CCDC50: variants seen among roughly 807,000 people sequenced by gnomAD.
The protein encoded by CCDC50 is coiled-coil domain containing 50, also known as coiled-coil domain-containing protein 50.
A neutral mutation model predicts 70.2 loss-of-function variants in CCDC50; 54 were observed. The ratio of observed to expected loss-of-function variants is 0.77; its 90% CI spans 0.62 to 0.96. The LOEUF is 0.96. Ranked by LOEUF, CCDC50 falls within the 50% of genes least tolerant of loss-of-function variation. The pLI, the probability that CCDC50 is intolerant of heterozygous loss-of-function variation, is 0.00. For synonymous variants in CCDC50, 216 were observed against 198.8 expected, an observed-to-expected ratio of 1.09 and a Z score of -0.73; for missense variants, 558 against 578.7, an observed-to-expected ratio of 0.96 and a Z score of 0.37.
At position 191,391,871 on chromosome 3, in the gene CCDC50, T is replaced by C; in HGVS notation, c.*111T>C. Reference sequence around the variant, plus strand: ...CTCCTGTGTTTGCATTCCTGGGATTTATCCTCAAGTGCATTTCTGACCATA... The same window carrying C: ...CTCCTGTGTTTGCATTCCTGGGATTCATCCTCAAGTGCATTTCTGACCATA... On this transcript the variant is annotated 3_prime_UTR_variant, in exon 12 of 12. Coordinates refer to ENST00000392455, the MANE Select transcript of CCDC50 (RefSeq NM_178335.3). The C allele has an allele frequency of 1.1e-6, 1 of 933,414 alleles. No individual in the cohort carries two copies. The highest frequency in any genetic ancestry group is 1.7e-6 in the Non-Finnish European group (1 of 588,196). The allele number at this position is 933,414 out of a possible 1,614,324, so 57.8% of individuals were successfully genotyped here.
At chr3:191,377,733 A>G (rs981805565) in intron 6 of CCDC50, among the ~76,000 whole-genome samples, 4 of 152,134 alleles carry the variant, frequency 2.6e-5, no homozygotes, top group East Asian at 1.9e-4. Flanking sequence ...ACTTTCAACA[A>G]TTTTATTCTG....
At position 191,375,428 on chromosome 3, in the gene CCDC50, A is replaced by G; in HGVS notation, c.815A>G (p.Gln272Arg). The change falls in exon 6 of 12, where the codon CAA becomes CGA. Residue 272 changes from glutamine (Q) to arginine (R), a missense_variant. Gln to Arg is a conservative substitution (Grantham distance 43). Transcript: ENST00000392455. ...AATTGGGAAAAACAGTCTCGACACC[A>G]AGATCGACTTTCACCCAAGTCCTCA... ...TRNWEKQSRH[Q>R]DRLSPKSSQK... The G allele has an allele frequency of 6.2e-7, 1 of 1,613,808 alleles. No individual in the cohort carries two copies. The highest frequency in any genetic ancestry group is 8.5e-7 in the Non-Finnish European group (1 of 1,179,850).
intron 1 of CCDC50, among the ~76,000 whole-genome samples, chr3:191,335,895 A>C (rs1219169295): frequency 1.3e-5 from 2 of 152,114 alleles, no homozygotes; most frequent in Admixed American, 1.3e-4. Flanking sequence ...CAAGATACAG[A>C]ACAGTTCCTA....
intron 1 of CCDC50, among the ~76,000 whole-genome samples, chr3:191,340,750 G>A (rs780247239): frequency 6.6e-6 from 1 of 152,188 alleles, no homozygotes; most frequent in Non-Finnish European, 1.5e-5. Flanking sequence ...CCCTCAGGCG[G>A]ACATATGAGG....
intron 6 of CCDC50, 96 bp from the exon 7 acceptor site, chr3:191,380,063 C>G (rs950406196): frequency 1.3e-6 from 1 of 742,496 alleles, no homozygotes; most frequent in Non-Finnish European, 2.3e-6. Context: ...TCATTGTTAG[C>G]TACTAAAGAA....
intron 11 of CCDC50, among the ~76,000 whole-genome samples, chr3:191,390,860 GC>G (rs1437489502): frequency 6.6e-6 from 1 of 152,154 alleles, no homozygotes; most frequent in African/African-American, 2.4e-5. Context: ...ATTTTATCCA[GC>G]CCCTATTAAA....
At chr3:191,388,076 G>A (rs954696248) in intron 10 of CCDC50, among the ~76,000 whole-genome samples, 1 of 151,598 alleles carries the variant, frequency 6.6e-6, no homozygotes, top group African/African-American at 2.4e-5. Flanking sequence ...TCCAATATTG[G>A]TAAACAAATG....
chr3:191,380,184 A>G lies in CCDC50; in HGVS notation c.1002A>G (p.Glu334=). The change falls in exon 7 of 12, where the codon GAA becomes GAG. Residue 334 remains glutamate, a synonymous_variant. Transcript: ENST00000392455. ...DAGMKPRVMK[E]AVSTPSRMAH... The stretch of plus-strand genomic sequence containing the variant: ...GAATGAAGCCAAGAGTGATGAAAGA[A>G]GCTGTATCTACTCCATCACGAATGG... 1 of 1,606,688 alleles carries G rather than the reference A, an allele frequency of 6.2e-7. No individual in the cohort carries two copies. The highest frequency in any genetic ancestry group is 8.5e-7 in the Non-Finnish European group (1 of 1,174,180).
intron 6 of CCDC50, among the ~76,000 whole-genome samples, chr3:191,378,116 G>C (rs1713180775): frequency 6.6e-6 from 1 of 152,074 alleles, no homozygotes; most frequent in Non-Finnish European, 1.5e-5. Context: ...TAGTATTCCA[G>C]GCTGTGGAGA....
rs1713876137 is a variant in CCDC50, at chr3:191,396,836, TGTTGA to T, written c.*5081_*5085del. 6.6e-6 allele frequency: 1 copy of T among 152,208 alleles called. No homozygotes were observed. The allele number at this position is 152,208 out of a possible 1,614,324, so 9.4% of individuals were successfully genotyped here. On this transcript the variant is annotated 3_prime_UTR_variant, in exon 12 of 12. Transcript: ENST00000392455. ...ACAGGCTAACACAATCGTGTAATCA[TGTTGA>T]GTTGTAGAAATATATGGCCCTAAAA...
In CCDC50 at chr3:191,375,255, C is replaced by T; in HGVS notation, c.642C>T (p.Asp214=). 16 of 1,613,764 alleles carry T rather than the reference C, an allele frequency of 9.9e-6. No homozygotes were observed. The highest frequency in any genetic ancestry group is 1.4e-5 in the Non-Finnish European group (16 of 1,179,828). ...CCTCTAGCTCGGGCAAAGGGAGGGA[C>T]AATCCCCATATTAACAATGAGCAGC... The part of the protein sequence containing the change: ...LSSSSSGKGR[D]NPHINNEQHE... The change falls in exon 6 of 12, where the codon GAC becomes GAT. Residue 214 remains aspartate, a synonymous_variant. Coordinates refer to ENST00000392455, the MANE Select transcript of CCDC50 (RefSeq NM_178335.3).
intron 1 of CCDC50, among the ~76,000 whole-genome samples, chr3:191,331,492 A>G (rs1317596455): frequency 1.3e-5 from 2 of 152,224 alleles, no homozygotes; most frequent in Non-Finnish European, 2.9e-5. Context: ...CATTTTGCGT[A>G]ATACGGTGTT....
chr3:191,388,844 T>A (rs533227983), intron 10 of CCDC50, among the ~76,000 whole-genome samples: 1 of 152,322 alleles, frequency 6.6e-6, no homozygotes, highest in African/African-American at 2.4e-5. Flanking sequence ...TGAGAGGTTT[T>A]CTGCTTCAGT....
In CCDC50 at chr3:191,358,020, C is replaced by T. The variant is rs765209296; in HGVS notation, c.135C>T (p.Asn45=). ...CAGTTGAGCATCATTTGGCATCGAA[C>T]GTTCAGCGGAACCGTTTGGTCCAGC... ...EQEIEHHLAS[N]VQRNRLVQHD... Residue 45 remains asparagine, a synonymous_variant, in exon 3 of 12, where the codon AAC becomes AAT. Transcript: ENST00000392455. The T allele has an allele frequency of 1.9e-5, 31 of 1,613,872 alleles. No individual in the cohort carries two copies. In the Middle Eastern group the frequency reaches 8.2e-4, roughly 43 times the overall value.
At chr3:191,380,600 A>G in intron 7 of CCDC50, 87 bp from the exon 8 acceptor site, 1 of 1,338,936 alleles carries the variant, frequency 7.5e-7, no homozygotes, top group Non-Finnish European at 1.0e-6. Flanking sequence ...ATTATTTTCA[A>G]AAACCAGCTT....
At chr3:191,349,325 G>A (rs768515296) in intron 1 of CCDC50, among the ~76,000 whole-genome samples, 2 of 142,130 alleles carry the variant, frequency 1.4e-5, no homozygotes, top group Non-Finnish European at 3.2e-5. Flanking sequence ...GTAGGGTAGC[G>A]TAAAAGTTTT....
intron 10 of CCDC50, among the ~76,000 whole-genome samples, chr3:191,385,520 G>C (rs1044007995): frequency 3.3e-5 from 5 of 151,948 alleles, no homozygotes; most frequent in Middle Eastern, 3.2e-3. Flanking sequence ...TTGTTCATTT[G>C]TTTAACTTCC....
chr3:191,358,211 T>G, intron 3 of CCDC50, 87 bp downstream of exon 3: 1 of 1,474,202 alleles, frequency 6.8e-7, no homozygotes, highest in Non-Finnish European at 9.4e-7. Context: ...GGAGACTACT[T>G]CTGTTCCTCT....
At chr3:191,388,364 G>T (rs76661967) in intron 10 of CCDC50, among the ~76,000 whole-genome samples, 3 of 151,994 alleles carry the variant, frequency 2.0e-5, no homozygotes, top group Admixed American at 2.0e-4. Flanking sequence ...TTGAGCCCTG[G>T]GTCTGCCACT....
Sources: allele counts gnomAD v4.1 joint callset (sites outside exome capture counted in the v4.1 genomes callset), GRCh38; gene constraint gnomAD v4.1.1; transcripts MANE v1.5; gene names NCBI Gene and HGNC (gene_info 2026-07-23, HGNC 2026-07-21).